Variants in ALS2CL observed in about 807,000 individuals in gnomAD.
The protein encoded by ALS2CL is ALS2 C-terminal-like protein.
ALS2CL carries 112 observed loss-of-function variants against 127.9 expected under a neutral mutation model. The ratio of observed to expected loss-of-function variants is 0.88; its 90% CI spans 0.75 to 1.02. The LOEUF is 1.02. ALS2CL is among the 50% of genes least tolerant of loss of function. The probability of loss-of-function intolerance (pLI) is 0.00; values close to 1 mark genes in which losing one functional copy is unlikely to be tolerated. For missense variants in ALS2CL, 1,174 were observed against 1,236.7 expected (o/e 0.95, Z 0.76); for synonymous variants, 519 against 527.6 (o/e 0.98, Z 0.22).
chr3:46,690,405 T>C (rs2106751619), intron 1 of ALS2CL, among the ~76,000 whole-genome samples: 1 of 152,184 alleles, frequency 6.6e-6, no homozygotes, highest in Non-Finnish European at 1.5e-5. Flanking sequence ...GGTGGGCAGG[T>C]GGGCTTGAGC....
chr3:46,674,933 C>T (rs1698691887), intron 20 of ALS2CL, 194 bp from the exon 21 acceptor site: 1 of 506,270 alleles, frequency 2.0e-6, no homozygotes, highest in Non-Finnish European at 3.3e-6. Flanking sequence ...TTCATTCCCT[C>T]CTTTGACTTT....
In ALS2CL at chr3:46,669,013, TTTTA is replaced by T. The variant is rs1442048832; in HGVS notation, c.*1967_*1970del. The T allele has an allele frequency of 2.6e-5, 4 of 152,134 alleles. No homozygotes were observed. Among genetic ancestry groups the T allele is most frequent in the South Asian group, 4.2e-4 (2 of 4,818 alleles). The allele number at this position is 152,134 out of a possible 1,614,324, so 9.4% of individuals were successfully genotyped here. Reference sequence around the variant, plus strand: ...CCCTAGGCTCTGTCCAGATGCTCTTTTTTATTTATTTTATTTTTATTTTTATTTT... The same window carrying T: ...CCCTAGGCTCTGTCCAGATGCTCTTTTTTATTTTATTTTTATTTTTATTTT... On this transcript the variant is annotated 3_prime_UTR_variant, in exon 26 of 26. Coordinates refer to ENST00000318962, the MANE Select transcript of ALS2CL (RefSeq NM_147129.5).
At chr3:46,684,412 C>T (rs1324670457) in intron 7 of ALS2CL, among the ~76,000 whole-genome samples, 5 of 151,314 alleles carry the variant, frequency 3.3e-5, no homozygotes, top group East Asian at 3.9e-4. Context: ...CAGACCACTA[C>T]GCCATCAGGG....
chr3:46,687,165 C>G lies in ALS2CL; in HGVS notation c.369-17G>C, dbSNP rs1196865197. The G allele has an allele frequency of 6.5e-7, 1 of 1,530,648 alleles. No homozygotes were observed. Among genetic ancestry groups the G allele is most frequent in the Admixed American group, 2.0e-5 (1 of 51,098 alleles). The allele number at this position is 1,530,648 out of a possible 1,614,324, so 94.8% of individuals were successfully genotyped here. A position where few individuals can be genotyped will look rare whatever the true frequency, so the allele number is the denominator to read the frequency against. Reference sequence around the variant, plus strand: ...CAGTACTCGCTGCGTGTAGAGAGGGCCACGCACCACCTTCACCCCTTCCTC... The same window carrying G: ...CAGTACTCGCTGCGTGTAGAGAGGGGCACGCACCACCTTCACCCCTTCCTC... On this transcript the variant is annotated splice_polypyrimidine_tract_variant and intron_variant, in intron 4 of 25. Coordinates refer to ENST00000318962, the MANE Select transcript of ALS2CL (RefSeq NM_147129.5).
chr3:46,690,918 G>T lies in ALS2CL; in HGVS notation c.-25-1453C>A, dbSNP rs372058022. The stretch of plus-strand genomic sequence containing the variant: ...TTGGCTCTGGAATGGAGTGGGGCGG[G>T]TCCCTCAGAGCTCTGGCCAAAGGCC... On this transcript the variant is annotated intron_variant, in intron 1 of 25. Coordinates refer to ENST00000318962, the MANE Select transcript of ALS2CL (RefSeq NM_147129.5). Among the ~76,000 whole-genome samples the T allele has an allele frequency of 9.7e-4, 148 of 152,336 alleles. 1 individual carries two copies. Among genetic ancestry groups the T allele is most frequent in the African/African-American group, 3.4e-3 (143 of 41,582 alleles).
chr3:46,673,307 C>T (rs11130103), intron 22 of ALS2CL, 32 bp downstream of exon 22: 483,489 of 1,536,256 alleles, frequency 0.31, 77,493 homozygotes, highest in South Asian at 0.4. Context: ...CCTCTGGGGG[C>T]CCCTGGCTTG....
At chr3:46,685,447 C>A in intron 7 of ALS2CL, 78 bp downstream of exon 7, 2 of 1,575,916 alleles carry the variant, frequency 1.3e-6, no homozygotes, top group Non-Finnish European at 1.7e-6. Context: ...CAGCAGCATG[C>A]CCCTTTACTG....
chr3:46,684,158 GC>G, intron 7 of ALS2CL, 111 bp from the exon 8 acceptor site: 1 of 1,260,050 alleles, frequency 7.9e-7, no homozygotes, highest in Non-Finnish European at 1.1e-6. Flanking sequence ...AGGCTATTCT[GC>G]CCAGCATGTC....
Position 46,676,690 on chromosome 3 carries a change from C to G in ALS2CL, c.1980G>C (p.Glu660Asp). Reference sequence around the variant, plus strand: ...CCTTGGGCTCCCGGTGCTGCAGCAGCTCCTCCAGGATGTCTTCCATACTGC... The same window carrying G: ...CCTTGGGCTCCCGGTGCTGCAGCAGGTCCTCCAGGATGTCTTCCATACTGC... ...SVGSMEDILEELLQHREPKAL... is the reference protein window; with the variant it reads ...SVGSMEDILEDLLQHREPKAL... Residue 660 changes from glutamate (E) to aspartate (D), a missense_variant, in exon 18 of 26, where the codon GAG (glutamate) becomes GAC (aspartate). Glu to Asp is a conservative substitution (Grantham distance 45). Coordinates refer to ENST00000318962, the MANE Select transcript of ALS2CL (RefSeq NM_147129.5). 1 of 1,613,654 alleles carries G rather than the reference C, an allele frequency of 6.2e-7. No homozygotes were observed. Among genetic ancestry groups the G allele is most frequent in the Non-Finnish European group, 8.5e-7 (1 of 1,179,956 alleles).
intron 6 of ALS2CL, 84 bp from the exon 7 acceptor site, chr3:46,685,728 C>A: frequency 6.6e-7 from 1 of 1,520,300 alleles, no homozygotes; most frequent in East Asian, 2.4e-5. Context: ...CCAATGTACC[C>A]CAGACACCTC....
intron 24 of ALS2CL, 28 bp from the exon 25 acceptor site, chr3:46,671,612 C>T (rs6776565): frequency 0.32 from 508,303 of 1,612,346 alleles, 81,448 homozygotes; most frequent in South Asian, 0.4. Flanking sequence ...ACCAAGAGAG[C>T]GAGGGAGACA....
At position 46,683,977 on chromosome 3, in the gene ALS2CL, G is replaced by A. The variant is rs751455144; in HGVS notation, c.845+12C>T. ...AAGAAGGCCTGGGGTGTCAGCCGAG[G>A]GGGTTGCTCACCCGTCCTGCCCAGG... On this transcript the variant is annotated intron_variant, in intron 8 of 25. Coordinates refer to ENST00000318962, the MANE Select transcript of ALS2CL (RefSeq NM_147129.5). The A allele has an allele frequency of 2.5e-6, 4 of 1,599,726 alleles. No individual in the cohort carries two copies. The highest frequency in any genetic ancestry group is 3.4e-6 in the Non-Finnish European group (4 of 1,172,506).
Position 46,673,385 on chromosome 3 carries a change from A to C in ALS2CL, c.2430-4T>G. 1 of 1,561,648 alleles carries C rather than the reference A, an allele frequency of 6.4e-7. No homozygotes were observed. On this transcript the variant is annotated splice_region_variant and splice_polypyrimidine_tract_variant and intron_variant, in intron 21 of 25. Transcript: ENST00000318962. The stretch of plus-strand genomic sequence containing the variant: ...GTCCTTGAGGGGCCACAAGTGCCTG[A>C]AATTGAAAAAGTGAGACAGGAGGCT...
chr3:46,680,231 G>A (rs1335446850), intron 14 of ALS2CL, 199 bp downstream of exon 14: 3 of 582,804 alleles, frequency 5.1e-6, no homozygotes, highest in East Asian at 5.6e-5. Flanking sequence ...GGAAACCAAG[G>A]TCAGGCAGAG....
At chr3:46,687,762 G>C in intron 3 of ALS2CL, 78 bp from the exon 4 acceptor site, 1 of 1,456,438 alleles carries the variant, frequency 6.9e-7, no homozygotes. Context: ...GGGATCCCCA[G>C]ATCCCACCCA....
Position 46,687,033 on chromosome 3 carries a change from C to T in ALS2CL, c.484G>A (p.Val162Met), listed in dbSNP as rs200105275. 5 of 1,605,680 alleles carry T rather than the reference C, an allele frequency of 3.1e-6. No homozygotes were observed. Among genetic ancestry groups the T allele is most frequent in the Non-Finnish European group, 4.2e-6 (5 of 1,179,272 alleles). ...AGCAGGAGGAGCACGTACTGTTGCA[C>T]GTGATGGGCGAGTGGCTGGTGGAGG... ...QALHQPLAHH[V>M]QQYVLLLLSL... Residue 162 changes from valine to methionine, a missense_variant, in exon 5 of 26, where the codon GTG becomes ATG. Transcript: ENST00000318962.
chr3:46,690,364 G>A (rs544724403), intron 1 of ALS2CL, among the ~76,000 whole-genome samples: 405 of 152,348 alleles, frequency 2.7e-3, no homozygotes, highest in Non-Finnish European at 4.3e-3. Context: ...CACCCTGAAG[G>A]GGTGCCTGCT....
At chr3:46,677,559 G>T in intron 16 of ALS2CL, 1 of 224,902 alleles carries the variant, frequency 4.4e-6, no homozygotes, top group Non-Finnish European at 7.6e-6. Context: ...TCCACTCCCA[G>T]CTCCTGCTGT....
chr3:46,687,949 G>T, intron 3 of ALS2CL, 149 bp downstream of exon 3: 1 of 1,045,500 alleles, frequency 9.6e-7, no homozygotes, highest in Non-Finnish European at 1.4e-6. Context: ...CCCAGGTGAG[G>T]CTGAACCCAG....
Sources: gnomAD v4.1 joint callset for allele counts (sites outside exome capture counted in the v4.1 genomes callset) on GRCh38, gnomAD v4.1.1 for gene constraint, MANE v1.5 for transcripts, NCBI Gene and HGNC (gene_info 2026-07-23, HGNC 2026-07-21) for gene names.